The following DYNC2H1 variants were observed in gnomAD, a reference collection of about 807,000 sequenced individuals.
DYNC2H1 encodes the protein dynein cytoplasmic 2 heavy chain 1.
A neutral mutation model predicts 570.0 loss-of-function variants in DYNC2H1; 410 were observed. That is an observed-to-expected ratio of 0.72 (90% CI 0.66 to 0.78). The LOEUF (loss-of-function observed/expected upper bound fraction) is 0.78, where lower values mean the gene tolerates loss of function less well. Among genes scored for constraint, DYNC2H1 ranks in the 30% least tolerant of loss-of-function variants. DYNC2H1 has a pLI of 0.00. For missense variants in DYNC2H1, 4,865 were observed against 5,046.4 expected (o/e 0.96, Z 1.09); for synonymous variants, 1,688 against 1,677.6 (o/e 1.01, Z -0.15).
chr11:103,475,419 G>T (rs966195227), intron 88 of DYNC2H1, among the ~76,000 whole-genome samples: 1 of 152,106 alleles, frequency 6.6e-6, no homozygotes. Flanking sequence ...AGAGGGAATT[G>T]GGTCATAATA....
chr11:103,265,134 T>C (rs573232707), intron 70 of DYNC2H1, among the ~76,000 whole-genome samples: 1 of 152,192 alleles, frequency 6.6e-6, no homozygotes, highest in African/African-American at 2.4e-5. Flanking sequence ...CACCACATGT[T>C]CTCACACGTA....
rs1361267282 is a variant in DYNC2H1, at chr11:103,201,302, T to C, written c.8197+1148T>C. 2.6e-5 allele frequency among the ~76,000 whole-genome samples: 4 copies of C among 152,190 alleles called. No individual in the cohort carries two copies. The highest frequency in any genetic ancestry group is 1.9e-4 in the East Asian group (1 of 5,196). ...GGCTCTCTATGTATCTGGAATTCTA[T>C]GGATTGTAGAGATATTTATTGTTTT... On this transcript the variant is annotated intron_variant, in intron 50 of 88. Transcript: ENST00000375735. This position sits in a 1 kb window ranked among gnomAD's most constrained non-coding sequence, Gnocchi z 4.8.
In DYNC2H1 at chr11:103,220,375, A is replaced by G. The variant is rs114963426; in HGVS notation, c.8947-248A>G. On this transcript the variant is annotated intron_variant, in intron 56 of 88. Transcript: ENST00000375735. Reference sequence around the variant, plus strand: ...ATATAAAGAGCCTCTTGAAAATGACAAATTGTCTCAAAACAAGTTAGATTT... The same window carrying G: ...ATATAAAGAGCCTCTTGAAAATGACGAATTGTCTCAAAACAAGTTAGATTT... 9.9e-3 allele frequency among the ~76,000 whole-genome samples: 1,504 copies of G among 152,282 alleles called. 34 individuals are homozygous for G. The highest frequency in any genetic ancestry group is 0.034 in the African/African-American group (1,416 of 41,566).
intron 87 of DYNC2H1, chr11:103,468,329 C>T (rs1945263443): frequency 4.2e-6 from 1 of 239,710 alleles, no homozygotes; most frequent in Non-Finnish European, 8.1e-6. Flanking sequence ...TCAAGACACC[C>T]GCAGTTGTAT....
Position 103,241,667 on chromosome 11 carries a change from A to AGGTTTT in DYNC2H1, c.9820-2026_9820-2025insGGTTTT. The AGGTTTT allele has an allele frequency of 2.6e-6, 2 of 757,958 alleles. No homozygotes were observed. The highest frequency in any genetic ancestry group is 4.3e-6 in the Non-Finnish European group (2 of 467,992). The allele number at this position is 757,958 out of a possible 1,614,324, so 47.0% of individuals were successfully genotyped here. A position where few individuals can be genotyped will look rare whatever the true frequency, so the allele number is the denominator to read the frequency against. On this transcript the variant is annotated intron_variant, in intron 63 of 88. Coordinates refer to ENST00000375735, the MANE Select transcript of DYNC2H1 (RefSeq NM_001377.3). This position sits in a 1 kb window ranked among gnomAD's most constrained non-coding sequence, Gnocchi z 5.1. ...AGATCAAAAACCTAGGTGCAGCACC[A>AGGTTTT]TGGTAACACTTCACAGGCTATTTAC...
rs1387449982 is a variant in DYNC2H1 at position 103,147,904 on chromosome 11, A to G, written c.2818+17A>G. On this transcript the variant is annotated intron_variant, in intron 19 of 88. Transcript: ENST00000375735. ...CCATACAGGGTAAATACACATTTTA[A>G]TTTTTATTTTTACTTAATTTGATAT... 2 of 1,494,040 alleles carry G rather than the reference A, an allele frequency of 1.3e-6. No individual in the cohort carries two copies. Among genetic ancestry groups the G allele is most frequent in the South Asian group, 2.4e-5 (2 of 84,148 alleles). 92.5% of individuals were successfully genotyped at this position (1,494,040 alleles called of 1,614,324 possible). A position where few individuals can be genotyped will look rare whatever the true frequency, so the allele number is the denominator to read the frequency against.
In DYNC2H1 at chr11:103,369,140, T is replaced by A. The variant is rs993183767; in HGVS notation, c.12156+10781T>A. Among the ~76,000 whole-genome samples the A allele has an allele frequency of 6.6e-6, 1 of 152,094 alleles. No homozygotes were observed. Among genetic ancestry groups the A allele is most frequent in the Non-Finnish European group, 1.5e-5 (1 of 68,014 alleles). ...GTCTCCAAGCAGCAGTGGCATGGCA[T>A]GGAGAGCGTTTTGGTGCACTGGGGA... is the stretch of plus-strand genomic sequence containing the variant. On this transcript the variant is annotated intron_variant, in intron 83 of 88. Transcript: ENST00000375735. This position sits in a 1 kb window ranked among gnomAD's most constrained non-coding sequence, Gnocchi z 4.0.
At chr11:103,419,018 A>G (rs949514234) in intron 84 of DYNC2H1, among the ~76,000 whole-genome samples, 9 of 152,158 alleles carry the variant, frequency 5.9e-5, no homozygotes, top group Non-Finnish European at 1.3e-4. Flanking sequence ...AGGGGGCTGA[A>G]TTCAGGGAGC....
chr11:103,109,800 T>A, intron 1 of DYNC2H1, 31 bp downstream of exon 1: 1 of 1,592,140 alleles, frequency 6.3e-7, no homozygotes, highest in Non-Finnish European at 8.6e-7. Context: ...GCCTGACCCC[T>A]GACCACTCTT....
intron 55 of DYNC2H1, among the ~76,000 whole-genome samples, chr11:103,218,489 C>T (rs1008643690): frequency 4.6e-5 from 7 of 152,070 alleles, no homozygotes; most frequent in African/African-American, 1.4e-4. Flanking sequence ...TTAATGAAGA[C>T]AGCCATTTTT....
chr11:103,174,926 C>G (rs914570204), intron 36 of DYNC2H1, among the ~76,000 whole-genome samples: 1 of 9,276 alleles, frequency 1.1e-4, no homozygotes, highest in Non-Finnish European at 1.8e-4. Flanking sequence ...CCACTCCTTG[C>G]GGGGTTTGGG....
At chr11:103,285,204 G>A (rs775793481) in intron 73 of DYNC2H1, among the ~76,000 whole-genome samples, 17 of 152,236 alleles carry the variant, frequency 1.1e-4, no homozygotes, top group Middle Eastern at 6.8e-3. Context: ...ATAGTACTGG[G>A]CTCAATTCTG....
chr11:103,219,959 A>C lies in DYNC2H1; in HGVS notation c.8877A>C (p.Arg2959Ser). Residue 2959 changes from arginine (R) to serine (S), a missense_variant, in exon 56 of 89, where the codon AGA (arginine) becomes AGC (serine). By Grantham distance (110) the Arg-to-Ser change is moderately radical. Coordinates refer to ENST00000375735, the MANE Select transcript of DYNC2H1 (RefSeq NM_001377.3). ...QKTELERLKH[R>S]IAEEVVKIEE... ...CAGAACTTGAAAGACTGAAGCACAG[A>C]ATAGCAGAAGAAGTTGTTAAAATTG... is the stretch of plus-strand genomic sequence containing the variant. 2 of 1,516,194 alleles carry C rather than the reference A, an allele frequency of 1.3e-6. No individual in the cohort carries two copies. The highest frequency in any genetic ancestry group is 1.8e-6 in the Non-Finnish European group (2 of 1,141,234). The allele number at this position is 1,516,194 out of a possible 1,614,324, so 93.9% of individuals were successfully genotyped here. A position where few individuals can be genotyped will look rare whatever the true frequency, so the allele number is the denominator to read the frequency against.
chr11:103,115,073 C>T, intron 3 of DYNC2H1, 104 bp from the exon 4 acceptor site: 2 of 695,562 alleles, frequency 2.9e-6, no homozygotes, highest in South Asian at 1.9e-5. Context: ...CAGCTAGGAG[C>T]ATATGTGTTA....
chr11:103,312,482 C>T (rs749136422), intron 79 of DYNC2H1, among the ~76,000 whole-genome samples: 21 of 127,694 alleles, frequency 1.6e-4, no homozygotes, highest in Admixed American at 9.4e-5. Context: ...GCAGAGGTTG[C>T]AGTGAGCCGA....
intron 59 of DYNC2H1, among the ~76,000 whole-genome samples, chr11:103,226,530 G>A (rs1053280399): frequency 4.6e-5 from 7 of 151,956 alleles, no homozygotes; most frequent in Non-Finnish European, 8.8e-5. Flanking sequence ...TCGACTTAAC[G>A]TATGTTAAAC....
In DYNC2H1 at chr11:103,475,813, C is replaced by A. The variant is rs144778507; in HGVS notation, c.12766-3282C>A. ...TCAGCTTTAAGTTGATAATAATCAGCATTATTAAGTTCCTAATTTAAAGAG... is the reference window on the plus strand; with the variant it reads ...TCAGCTTTAAGTTGATAATAATCAGAATTATTAAGTTCCTAATTTAAAGAG... On this transcript the variant is annotated intron_variant, in intron 88 of 88. Transcript: ENST00000375735. 8.5e-3 allele frequency among the ~76,000 whole-genome samples: 1,295 copies of A among 152,202 alleles called. 10 individuals carry two copies. The highest frequency in any genetic ancestry group is 0.029 in the African/African-American group (1,225 of 41,548).
rs1189115745 is a variant in DYNC2H1 at position 103,326,309 on chromosome 11, G to A, written c.12039+2319G>A. Among the ~76,000 whole-genome samples the A allele has an allele frequency of 6.6e-6, 1 of 152,146 alleles. No individual in the cohort carries two copies. The highest frequency in any genetic ancestry group is 1.5e-5 in the Non-Finnish European group (1 of 68,020). ...TTGAGTGAGCCTCTTCTGATCATTGGCTCCTTCCCCGGGTTTCTTTTGCTA... is the reference window on the plus strand; with the variant it reads ...TTGAGTGAGCCTCTTCTGATCATTGACTCCTTCCCCGGGTTTCTTTTGCTA... On this transcript the variant is annotated intron_variant, in intron 82 of 88. Transcript: ENST00000375735. The surrounding 1 kb of genome is among the most constrained non-coding windows in gnomAD (Gnocchi z 6.1).
In DYNC2H1 at chr11:103,203,661, A is replaced by G; in HGVS notation, c.8198-2A>G. 1 of 1,565,444 alleles carries G rather than the reference A, an allele frequency of 6.4e-7. No individual in the cohort carries two copies. The highest frequency in any genetic ancestry group is 8.7e-7 in the Non-Finnish European group (1 of 1,154,460). On this transcript the variant is annotated splice_acceptor_variant, in intron 50 of 88. Coordinates refer to ENST00000375735, the MANE Select transcript of DYNC2H1 (RefSeq NM_001377.3). LOFTEE classifies it high-confidence loss of function. This position sits in a 1 kb window ranked among gnomAD's most constrained non-coding sequence, Gnocchi z 4.7. ...TTCAATTAGTCTAATATTTTTCTGT[A>G]GGTGAAGTTCCTGGACTCTATACTC... is the stretch of plus-strand genomic sequence containing the variant.
Sources: allele counts gnomAD v4.1 joint callset (sites outside exome capture counted in the v4.1 genomes callset), GRCh38; gene constraint gnomAD v4.1.1; non-coding constraint Gnocchi (gnomAD v3.1); transcripts MANE v1.5; gene names NCBI Gene and HGNC (gene_info 2026-07-23, HGNC 2026-07-21).